The following NTM variants were observed in gnomAD, a reference collection of about 807,000 sequenced individuals.
The protein encoded by NTM is neurotrimin.
In NTM, 13 loss-of-function variants were observed where a neutral mutation model predicts 42.1. The ratio of observed to expected loss-of-function variants is 0.31; its 90% CI spans 0.20 to 0.49. The LOEUF (loss-of-function observed/expected upper bound fraction) is 0.49. Among genes scored for constraint, NTM ranks in the 20% least tolerant of loss-of-function variants. NTM has a pLI of 0.99. For synonymous variants in NTM, 187 were observed against 179.2 expected, an observed-to-expected ratio of 1.04 and a Z score of -0.35; for missense variants, 373 against 452.8, an observed-to-expected ratio of 0.82 and a Z score of 1.60.
At chr11:131,812,183 CCTCTCTCTCTCTCTCTCTCTCTCT>C (rs145003478) in intron 1 of NTM, among the ~76,000 whole-genome samples, 4 of 142,956 alleles carry the variant, frequency 2.8e-5, no homozygotes, top group Admixed American at 6.8e-5. Flanking sequence ...AATTAGTCAG[CCTCTCTCTCTCTCTCTCTCTCTCT>C]CTCTCTCTCT....
At chr11:131,893,003 G>A (rs1177210096) in intron 1 of NTM, among the ~76,000 whole-genome samples, 1 of 152,212 alleles carries the variant, frequency 6.6e-6, no homozygotes, top group Non-Finnish European at 1.5e-5. Context: ...TTTGGACTTT[G>A]AGCTCTTGTT....
chr11:131,817,419 T>C, intron 1 of NTM, among the ~76,000 whole-genome samples: 1 of 152,226 alleles, frequency 6.6e-6, no homozygotes, highest in African/African-American at 2.4e-5. Context: ...ACTGACTTTT[T>C]TTTTAAGCAA....
intron 2 of NTM, among the ~76,000 whole-genome samples, chr11:132,025,017 C>T (rs1426966724): frequency 6.6e-6 from 1 of 152,186 alleles, no homozygotes; most frequent in Non-Finnish European, 1.5e-5. Context: ...CACAGAATGT[C>T]TCTCCACTGA....
intron 3 of NTM, among the ~76,000 whole-genome samples, chr11:132,210,956 GGA>G (rs376029776): frequency 2.6e-5 from 4 of 151,652 alleles, no homozygotes; most frequent in Non-Finnish European, 2.9e-5. Context: ...AGAAGGTGGG[GGA>G]GAGAGAGAGA....
intron 4 of NTM, among the ~76,000 whole-genome samples, chr11:132,221,454 A>T (rs2085144210): frequency 6.6e-6 from 1 of 152,168 alleles, no homozygotes; most frequent in South Asian, 2.1e-4. Context: ...ACAGTGCCAC[A>T]TTGCAGACGT....
intron 2 of NTM, among the ~76,000 whole-genome samples, chr11:132,059,881 C>A (rs1389337599): frequency 6.6e-6 from 1 of 152,310 alleles, no homozygotes; most frequent in African/African-American, 2.4e-5. Flanking sequence ...ACACACCAAG[C>A]TACACAGTGC....
intron 1 of NTM, among the ~76,000 whole-genome samples, chr11:131,371,930 T>C (rs1474639619): frequency 1.3e-5 from 2 of 152,128 alleles, no homozygotes; most frequent in African/African-American, 2.4e-5. Flanking sequence ...TGAGGCTCAG[T>C]CCTATGCAGT....
At chr11:131,916,436 C>G (rs1258941236) in intron 2 of NTM, among the ~76,000 whole-genome samples, 1 of 152,142 alleles carries the variant, frequency 6.6e-6, no homozygotes, top group Non-Finnish European at 1.5e-5. Context: ...GCCTCTAGAC[C>G]ATAGGCTTAG....
At chr11:131,645,762 C>T (rs2658882) in intron 1 of NTM, among the ~76,000 whole-genome samples, 126,210 of 152,184 alleles carry the variant, frequency 0.83, 52,556 homozygotes, top group East Asian at 0.91. Context: ...AAATGTTCTG[C>T]CTTTCATACT....
chr11:131,547,869 C>A lies in NTM; in HGVS notation c.82+176981C>A, dbSNP rs1235669382. On this transcript the variant is annotated intron_variant, in intron 1 of 8. Coordinates refer to ENST00000683400, the MANE Select transcript of NTM (RefSeq NM_001352005.2). ...TGAAGGGGAGCCAGGATTGATAAATCTTTGGCATCTCTCAAACCTCATAGC... is the reference window on the plus strand; with the variant it reads ...TGAAGGGGAGCCAGGATTGATAAATATTTGGCATCTCTCAAACCTCATAGC... Among the ~76,000 whole-genome samples, 3 of 152,158 alleles carry A rather than the reference C, an allele frequency of 2.0e-5. No homozygotes were observed. The East Asian group carries it at 5.8e-4, about 29-fold the overall frequency.
intron 1 of NTM, among the ~76,000 whole-genome samples, chr11:131,393,548 T>C (rs1944252511): frequency 6.6e-6 from 1 of 152,198 alleles, no homozygotes; most frequent in South Asian, 2.1e-4. Context: ...CATCCTTCCC[T>C]GTGCCCATCC....
intron 1 of NTM, among the ~76,000 whole-genome samples, chr11:131,674,140 G>A (rs1410593492): frequency 6.6e-6 from 1 of 152,254 alleles, no homozygotes; most frequent in African/African-American, 2.4e-5. Context: ...GGGTGCGGGC[G>A]CCCTCGCGTG....
At chr11:132,092,915 G>T (rs1037062723) in intron 2 of NTM, among the ~76,000 whole-genome samples, 3 of 152,140 alleles carry the variant, frequency 2.0e-5, no homozygotes, top group Non-Finnish European at 2.9e-5. Context: ...AACTCAAGCT[G>T]CCTGATCTCT....
At chr11:131,395,734 A>G (rs1443194449) in intron 1 of NTM, among the ~76,000 whole-genome samples, 7 of 152,186 alleles carry the variant, frequency 4.6e-5, no homozygotes. Flanking sequence ...TGGTGTCTCC[A>G]TGCTGCCTGC....
chr11:131,604,741 A>C (rs756468002), intron 1 of NTM, among the ~76,000 whole-genome samples: 2 of 140,242 alleles, frequency 1.4e-5, no homozygotes, highest in Non-Finnish European at 3.1e-5. Context: ...GGGGTGGGGG[A>C]GTAAGAATCC....
chr11:131,380,060 C>T (rs1428090523), intron 1 of NTM, among the ~76,000 whole-genome samples: 2 of 152,184 alleles, frequency 1.3e-5, no homozygotes, highest in Non-Finnish European at 2.9e-5. Flanking sequence ...GCTCCATGGC[C>T]TCTTTGGGGT....
At chr11:132,192,542 A>G (rs1592134007) in intron 3 of NTM, among the ~76,000 whole-genome samples, 1 of 152,208 alleles carries the variant, frequency 6.6e-6, no homozygotes, top group Non-Finnish European at 1.5e-5. Flanking sequence ...AAAGAATAGT[A>G]CCTGCCATGC....
chr11:132,089,257 C>CTCCACT (rs1176507990), intron 2 of NTM, among the ~76,000 whole-genome samples: 5 of 152,156 alleles, frequency 3.3e-5, no homozygotes, highest in Admixed American at 2.6e-4. Context: ...ACTGGAGCAC[C>CTCCACT]TCCACTTTGT....
intron 7 of NTM, 191 bp downstream of exon 7, chr11:132,314,894 CAGAA>C (rs766808561): frequency 3.6e-4 from 483 of 1,349,286 alleles, no homozygotes; most frequent in Non-Finnish European, 4.2e-4. Flanking sequence ...AGGAGGCAGA[CAGAA>C]AGAGAAAGAA....
Sources: allele counts gnomAD v4.1 joint callset (sites outside exome capture counted in the v4.1 genomes callset), GRCh38; gene constraint gnomAD v4.1.1; transcripts MANE v1.5; gene names NCBI Gene and HGNC (gene_info 2026-07-23, HGNC 2026-07-21).